The following PTPN18 variants were observed in gnomAD, a reference collection of about 807,000 sequenced individuals.
The protein encoded by PTPN18 is tyrosine-protein phosphatase non-receptor type 18.
Under a neutral mutation model 65.4 loss-of-function variants are expected in PTPN18, and 65 were observed. The ratio of observed to expected loss-of-function variants is 0.99; its 90% CI spans 0.81 to 1.22. The LOEUF (loss-of-function observed/expected upper bound fraction) is 1.22. Ranked by LOEUF, PTPN18 falls within the 50% of genes most tolerant of loss-of-function variation. The pLI, the probability that PTPN18 is intolerant of heterozygous loss-of-function variation, is 0.00. For missense variants in PTPN18, 616 were observed against 646.5 expected, an observed-to-expected ratio of 0.95 and a Z score of 0.51; for synonymous variants, 255 against 267.8, an observed-to-expected ratio of 0.95 and a Z score of 0.47.
Position 130,373,287 on chromosome 2 carries a change from C to T in PTPN18, c.*63C>T. The stretch of plus-strand genomic sequence containing the variant: ...TCGGACTGCTGATGCCCCGGTGCTG[C>T]TGAGCGCCGTGCGCAGAATGGAAAC... On this transcript the variant is annotated 3_prime_UTR_variant, in exon 15 of 15. Transcript: ENST00000175756. This position sits in a 1 kb window ranked among gnomAD's most constrained non-coding sequence, Gnocchi z 4.1. 1 of 1,427,476 alleles carries T rather than the reference C, an allele frequency of 7.0e-7. No individual in the cohort carries two copies. Among genetic ancestry groups the T allele is most frequent in the Non-Finnish European group, 9.4e-7 (1 of 1,061,982 alleles). 88.4% of individuals were successfully genotyped at this position (1,427,476 alleles called of 1,614,324 possible).
At chr2:130,360,541 G>A (rs953359284) in intron 5 of PTPN18, among the ~76,000 whole-genome samples, 2 of 151,776 alleles carry the variant, frequency 1.3e-5, no homozygotes, top group Non-Finnish European at 2.9e-5. Context: ...TCTCTATTTC[G>A]CTATCTCTTT....
chr2:130,369,052 G>A, intron 5 of PTPN18, 81 bp from the exon 6 acceptor site: 1 of 1,218,242 alleles, frequency 8.2e-7, no homozygotes, highest in Non-Finnish European at 1.2e-6. Flanking sequence ...AGCACCTGGG[G>A]TGTCTTGTGG....
Position 130,371,219 on chromosome 2 carries a change from C to A in PTPN18, c.945C>A (p.Asp315Glu). The A allele has an allele frequency of 6.2e-7, 1 of 1,610,518 alleles. No individual in the cohort carries two copies. Among genetic ancestry groups the A allele is most frequent in the African/African-American group, 1.3e-5 (1 of 74,992 alleles). ...TTCAGAATTGTGCCCCACTCTACGA[C>A]GATGCCCTCTTCCTCCGGACTCCCC... is the stretch of plus-strand genomic sequence containing the variant. Reference protein sequence around the residue: ...NIKENCAPLYDDALFLRTPQA... With the variant: ...NIKENCAPLYEDALFLRTPQA... Residue 315 changes from aspartate to glutamate, a missense_variant, in exon 12 of 15, where the codon GAC (aspartate) becomes GAA (glutamate). Asp to Glu is a conservative substitution (Grantham distance 45, BLOSUM62 2). This residue lies in a region of PTPN18 where 368 missense variants were observed against 386.7 expected (regional missense o/e 0.95). Transcript: ENST00000175756.
chr2:130,370,371 C>T, intron 8 of PTPN18, 181 bp downstream of exon 8: 1 of 1,104,632 alleles, frequency 9.1e-7, no homozygotes, highest in South Asian at 1.4e-5. Flanking sequence ...AATAAGCACA[C>T]AGCTCTTGCT....
chr2:130,371,057 G>A, intron 11 of PTPN18, 93 bp downstream of exon 11: 1 of 1,425,152 alleles, frequency 7.0e-7, no homozygotes, highest in Non-Finnish European at 9.7e-7. Context: ...ACTACTGGGA[G>A]CAGGCACTGA....
intron 5 of PTPN18, among the ~76,000 whole-genome samples, chr2:130,365,315 C>G (rs80205327): frequency 0.048 from 7,302 of 152,252 alleles, 575 homozygotes; most frequent in African/African-American, 0.16. Context: ...ATATGCCATC[C>G]TAATGAGTGG....
intron 5 of PTPN18, among the ~76,000 whole-genome samples, chr2:130,364,413 A>G (rs1343238801): frequency 6.6e-6 from 1 of 152,192 alleles, no homozygotes; most frequent in East Asian, 1.9e-4. Flanking sequence ...ATTTCATTGT[A>G]TGTATATATC....
rs560425400 is a variant in PTPN18 at position 130,375,075 on chromosome 2, G to A, written c.*1851G>A. The A allele has an allele frequency of 1.7e-3, 339 of 199,508 alleles. 1 individual carries two copies. Among genetic ancestry groups the A allele is most frequent in the Non-Finnish European group, 2.7e-3 (255 of 95,920 alleles). 12.4% of individuals were successfully genotyped at this position (199,508 alleles called of 1,614,324 possible). A position where few individuals can be genotyped will look rare whatever the true frequency, so the allele number is the denominator to read the frequency against. The stretch of plus-strand genomic sequence containing the variant: ...AGAGCTGCCCCGTTTCTCTGTTTTC[G>A]TGAAAGAGCTGACCCTGTGCTGCCT... On this transcript the variant is annotated 3_prime_UTR_variant, in exon 15 of 15. Transcript: ENST00000175756.
chr2:130,373,247 T>G lies in PTPN18; in HGVS notation c.*23T>G. 1 of 1,559,054 alleles carries G rather than the reference T, an allele frequency of 6.4e-7. No homozygotes were observed. Among genetic ancestry groups the G allele is most frequent in the East Asian group, 2.3e-5 (1 of 43,984 alleles). On this transcript the variant is annotated 3_prime_UTR_variant, in exon 15 of 15. Transcript: ENST00000175756. The surrounding 1 kb of genome is among the most constrained non-coding windows in gnomAD (Gnocchi z 4.1). Reference sequence around the variant, plus strand: ...TAAGTCTAACGCCAGTTCCTGCCTGTTGCCTCTTGTGAGCTCGGACTGCTG... The same window carrying G: ...TAAGTCTAACGCCAGTTCCTGCCTGGTGCCTCTTGTGAGCTCGGACTGCTG...
At chr2:130,363,812 T>C (rs1680301639) in intron 5 of PTPN18, among the ~76,000 whole-genome samples, 2 of 152,166 alleles carry the variant, frequency 1.3e-5, no homozygotes, top group African/African-American at 4.8e-5. Flanking sequence ...TGGGAATTGC[T>C]GGGCTATATG....
intron 11 of PTPN18, 84 bp downstream of exon 11, chr2:130,371,048 C>T: frequency 6.9e-7 from 1 of 1,453,230 alleles, no homozygotes; most frequent in Non-Finnish European, 9.5e-7. Flanking sequence ...GCCCCCGGGA[C>T]TACTGGGAGC....
Position 130,359,315 on chromosome 2 carries a change from G to C in PTPN18, c.279+6G>C, listed in dbSNP as rs370815201. The C allele has an allele frequency of 6.8e-6, 11 of 1,614,086 alleles. No individual in the cohort carries two copies. Among genetic ancestry groups the C allele is most frequent in the Admixed American group, 3.3e-5 (2 of 60,012 alleles). The stretch of plus-strand genomic sequence containing the variant: ...TTAATGGCAACTTCATCCGGGTGAG[G>C]GTTGGGGTCACGGAAGGAGGTGGAC... On this transcript the variant is annotated splice_donor_region_variant and intron_variant, in intron 3 of 14. Transcript: ENST00000175756.
chr2:130,372,242 C>T lies in PTPN18; in HGVS notation c.1014-15C>T. On this transcript the variant is annotated splice_polypyrimidine_tract_variant and intron_variant, in intron 12 of 14. Coordinates refer to ENST00000175756, the MANE Select transcript of PTPN18 (RefSeq NM_014369.4). ...CGCCGCCGTTTCACTTCCTCCCGGC[C>T]CTCCCTGCCTGCAGGAGCATCTCTG... 3 of 1,568,502 alleles carry T rather than the reference C, an allele frequency of 1.9e-6. No individual in the cohort carries two copies. Among genetic ancestry groups the T allele is most frequent in the Non-Finnish European group, 2.6e-6 (3 of 1,165,568 alleles).
intron 5 of PTPN18, 23 bp from the exon 6 acceptor site, chr2:130,369,110 C>T (rs1480964649): frequency 1.3e-5 from 20 of 1,597,098 alleles, no homozygotes; most frequent in South Asian, 3.3e-5. Context: ...CACTCCCTGC[C>T]TTTTCTCCCT....
chr2:130,364,059 G>T (rs941258025), intron 5 of PTPN18, among the ~76,000 whole-genome samples: 2 of 151,766 alleles, frequency 1.3e-5, no homozygotes, highest in African/African-American at 4.8e-5. Context: ...CAGTTTATAG[G>T]TGCTGTGAGG....
Position 130,359,620 on chromosome 2 carries a change from G to T in PTPN18, c.388G>T (p.Ala130Ser). The change falls in exon 5 of 15, where the codon GCC becomes TCC. Residue 130 changes from alanine (A) to serine (S), a missense_variant. Around this residue, in one of 3 missense-constraint regions of PTPN18, gnomAD observed 223 missense variants for 210.0 expected, o/e 1.06. Coordinates refer to ENST00000175756, the MANE Select transcript of PTPN18 (RefSeq NM_014369.4). ...CCTCCTTGTCTAGGTGATCCTGATG[G>T]CCTGTCGAGAGATAGAGAATGGGCG... The part of the protein sequence containing the change: ...WEFGVKVILM[A>S]CREIENGRKR... The T allele has an allele frequency of 6.2e-7, 1 of 1,614,086 alleles. No homozygotes were observed.
rs1272768641 is a variant in PTPN18, at chr2:130,369,756, C to G, written c.484-9C>G. 2 of 1,584,980 alleles carry G rather than the reference C, an allele frequency of 1.3e-6. No individual in the cohort carries two copies. Among genetic ancestry groups the G allele is most frequent in the Admixed American group, 3.3e-5 (2 of 59,898 alleles). On this transcript the variant is annotated splice_polypyrimidine_tract_variant and intron_variant, in intron 6 of 14. Transcript: ENST00000175756. ...CCCTCTTCTTACTTGCCCCACCCCC[C>G]TTACTCAGATAAAGGAGAAGTGGCT...
chr2:130,370,341 C>T, intron 8 of PTPN18, 151 bp downstream of exon 8: 1 of 1,250,290 alleles, frequency 8.0e-7, no homozygotes, highest in Non-Finnish European at 1.1e-6. Flanking sequence ...AGCACTTGTT[C>T]AGCACAGACT....
intron 12 of PTPN18, chr2:130,371,949 C>T (rs1457170540): frequency 8.7e-6 from 3 of 344,028 alleles, no homozygotes; most frequent in East Asian, 4.9e-5. Context: ...TGCGGCCATC[C>T]CTTCCTGTCT....
Sources: allele counts gnomAD v4.1 joint callset (sites outside exome capture counted in the v4.1 genomes callset), GRCh38; gene constraint gnomAD v4.1.1; regional missense constraint gnomAD v4.1.1; non-coding constraint Gnocchi (gnomAD v3.1); transcripts MANE v1.5; gene names NCBI Gene and HGNC (gene_info 2026-07-23, HGNC 2026-07-21).